SUPT20H: variants seen among roughly 807,000 people sequenced by gnomAD.
The protein encoded by SUPT20H is SPT20 homolog, SAGA complex component, also known as transcription factor SPT20 homolog.
SUPT20H carries 82 observed loss-of-function variants against 122.8 expected under a neutral mutation model. The ratio of observed to expected loss-of-function variants is 0.67; its 90% CI spans 0.56 to 0.80. SUPT20H has a LOEUF of 0.80. SUPT20H is among the 30% of genes least tolerant of loss of function. The pLI, the probability that SUPT20H is intolerant of heterozygous loss-of-function variation, is 0.00. For missense variants in SUPT20H, 831 were observed against 921.6 expected, an observed-to-expected ratio of 0.90 and a Z score of 1.27; for synonymous variants, 291 against 313.0, an observed-to-expected ratio of 0.93 and a Z score of 0.74.
At chr13:37,058,444 T>C (rs909766726) in intron 1 of SUPT20H, among the ~76,000 whole-genome samples, 1 of 152,206 alleles carries the variant, frequency 6.6e-6, no homozygotes, top group South Asian at 2.1e-4. Flanking sequence ...AATTTGAAGA[T>C]GAAGATACAC....
At chr13:37,018,055 C>T (rs2060827629) in intron 22 of SUPT20H, among the ~76,000 whole-genome samples, 1 of 151,940 alleles carries the variant, frequency 6.6e-6, no homozygotes, top group South Asian at 2.1e-4. Context: ...ACTTTGAGGT[C>T]CTTAGGAGAA....
At chr13:37,012,927 CAT>C (rs2059846689) in intron 23 of SUPT20H, 2 of 151,804 alleles carry the variant, frequency 1.3e-5, no homozygotes, top group African/African-American at 4.8e-5. Flanking sequence ...TCTAAGAAAA[CAT>C]ATACAGGGCT....
At chr13:37,055,888 C>T (rs2068864016) in intron 1 of SUPT20H, among the ~76,000 whole-genome samples, 1 of 152,160 alleles carries the variant, frequency 6.6e-6, no homozygotes, top group Non-Finnish European at 1.5e-5. Flanking sequence ...GGCTAATATC[C>T]AGAATCTACA....
At chr13:37,012,599 T>TGGCCGGGCGCGGTGGCTC in intron 23 of SUPT20H, 1 of 191,058 alleles carries the variant, frequency 5.2e-6, no homozygotes, top group African/African-American at 2.3e-5. Context: ...ACACCCTTTG[T>TGGCCGGGCGCGGTGGCTC]AACATAAACA....
At chr13:37,052,946 G>A (rs1257149057) in intron 1 of SUPT20H, among the ~76,000 whole-genome samples, 1 of 152,198 alleles carries the variant, frequency 6.6e-6, no homozygotes, top group East Asian at 1.9e-4. Context: ...GGTCATTAGA[G>A]AAATGCAAAT....
At chr13:37,055,633 C>T (rs2068781648) in intron 1 of SUPT20H, among the ~76,000 whole-genome samples, 1 of 152,228 alleles carries the variant, frequency 6.6e-6, no homozygotes, top group African/African-American at 2.4e-5. Context: ...GGATTAAAGA[C>T]TTAAATGTTA....
chr13:37,032,030 G>A (rs905666043), intron 10 of SUPT20H, 135 bp from the exon 11 acceptor site: 1 of 664,206 alleles, frequency 1.5e-6, no homozygotes, highest in Non-Finnish European at 2.3e-6. Flanking sequence ...CACAGTCCTA[G>A]GAACTAGGAC....
At chr13:37,019,231 A>C in intron 22 of SUPT20H, 111 bp downstream of exon 22, 1 of 737,546 alleles carries the variant, frequency 1.4e-6, no homozygotes. Flanking sequence ...CACCCTTAGA[A>C]GAATCTAAAC....
chr13:37,025,551 A>G (rs1339840888), intron 16 of SUPT20H, 114 bp from the exon 17 acceptor site: 2 of 663,422 alleles, frequency 3.0e-6, no homozygotes, highest in Non-Finnish European at 5.1e-6. Flanking sequence ...TATCAAAATT[A>G]ACATAAATAT....
intron 9 of SUPT20H, among the ~76,000 whole-genome samples, chr13:37,036,099 TG>T (rs1223112219): frequency 6.6e-6 from 1 of 152,230 alleles, no homozygotes; most frequent in Non-Finnish European, 1.5e-5. Context: ...TGTCAGATCC[TG>T]ATCTGTCAGC....
intron 10 of SUPT20H, 86 bp from the exon 11 acceptor site, chr13:37,031,981 T>C: frequency 2.4e-6 from 3 of 1,241,202 alleles, no homozygotes; most frequent in South Asian, 1.7e-5. Flanking sequence ...GTGCTGAATA[T>C]GTACAAATCG....
In SUPT20H at chr13:37,047,918, G is replaced by A. The variant is rs926244369; in HGVS notation, c.58C>T (p.Arg20Ter). Residue 20 changes from arginine to a stop codon, truncating the protein, a stop_gained, in exon 4 of 26, where the codon CGA becomes TGA. Coordinates refer to ENST00000350612, the MANE Select transcript of SUPT20H (RefSeq NM_001014286.3). LOFTEE classifies it high-confidence loss of function. ...DRAEYVIESA[R>*]QRPPKRKYLS... is the part of the protein sequence containing the mutation. The stretch of plus-strand genomic sequence containing the variant: ...TATTTCCTTTTAGGAGGTCTCTGTC[G>A]GGCACTTTCAATGACATACTAAAAA... 7 of 1,603,434 alleles carry A rather than the reference G, an allele frequency of 4.4e-6. No homozygotes were observed. Among genetic ancestry groups the A allele is most frequent in the African/African-American group, 1.3e-5 (1 of 74,472 alleles).
chr13:37,040,145 A>T (rs1594350806), intron 9 of SUPT20H: 2 of 337,096 alleles, frequency 5.9e-6, no homozygotes, highest in Non-Finnish European at 1.1e-5. Flanking sequence ...TCTGTTTGAG[A>T]GGAGATAAAG....
chr13:37,042,880 T>C (rs1240409669), intron 7 of SUPT20H, among the ~76,000 whole-genome samples: 2 of 152,180 alleles, frequency 1.3e-5, no homozygotes, highest in Non-Finnish European at 2.9e-5. Context: ...TTAAGAATCC[T>C]TTATCTGAAG....
chr13:37,010,476 TAAAGC>T, intron 25 of SUPT20H, 71 bp downstream of exon 25: 1 of 1,321,096 alleles, frequency 7.6e-7, no homozygotes, highest in Non-Finnish European at 1.1e-6. Flanking sequence ...AAAATAAAAC[TAAAGC>T]AAGTTATTTT....
At chr13:37,028,421 C>A in intron 13 of SUPT20H, 116 bp from the exon 14 acceptor site, 1 of 926,930 alleles carries the variant, frequency 1.1e-6, no homozygotes, top group East Asian at 2.7e-5. Flanking sequence ...GGAAGACACA[C>A]AGCACTTAGG....
At chr13:37,034,333 C>T (rs1201530901) in intron 9 of SUPT20H, among the ~76,000 whole-genome samples, 1 of 152,196 alleles carries the variant, frequency 6.6e-6, no homozygotes, top group Non-Finnish European at 1.5e-5. Flanking sequence ...ATTAAAAGTG[C>T]TACTCCAGTG....
Position 37,051,498 on chromosome 13 carries a change from TAAA to T in SUPT20H, c.-11_-9del. On this transcript the variant is annotated 5_prime_UTR_variant, in exon 2 of 26. Coordinates refer to ENST00000350612, the MANE Select transcript of SUPT20H (RefSeq NM_001014286.3). ...TGAGCTGAAGCTTACCATTATGGCA[TAAA>T]ATAAGGGTCCAAAAGAAGAGATAAC... 1 of 1,611,612 alleles carries T rather than the reference TAAA, an allele frequency of 6.2e-7. No individual in the cohort carries two copies. The highest frequency in any genetic ancestry group is 8.5e-7 in the Non-Finnish European group (1 of 1,178,314).
chr13:37,045,699 A>G (rs1442272765), intron 5 of SUPT20H, among the ~76,000 whole-genome samples: 1 of 152,186 alleles, frequency 6.6e-6, no homozygotes, highest in African/African-American at 2.4e-5. Flanking sequence ...TAGTATATAA[A>G]ACCATTAAAT....
Sources: gnomAD v4.1 joint callset for allele counts (sites outside exome capture counted in the v4.1 genomes callset) on GRCh38, gnomAD v4.1.1 for gene constraint, MANE v1.5 for transcripts, NCBI Gene and HGNC (gene_info 2026-07-23, HGNC 2026-07-21) for gene names.